SIX4: variants seen among roughly 807,000 people sequenced by gnomAD.
The protein encoded by SIX4 is SIX homeobox 4.
In SIX4, 23 loss-of-function variants were observed where a neutral mutation model predicts 51.5. That is an observed-to-expected ratio of 0.45 (90% confidence interval 0.32 to 0.63). The LOEUF is 0.63. Among genes scored for constraint, SIX4 ranks in the 30% least tolerant of loss-of-function variants. The pLI, the probability that SIX4 is intolerant of heterozygous loss-of-function variation, is 0.04. For missense variants in SIX4, 867 were observed against 984.0 expected (o/e 0.88, Z 1.59); for synonymous variants, 413 against 417.3 (o/e 0.99, Z 0.13).
rs992150000 is a variant in SIX4 at position 60,719,698 on chromosome 14, T to C, written c.1549+62A>G. 2 of 1,521,638 alleles carry C rather than the reference T, an allele frequency of 1.3e-6. No individual in the cohort carries two copies. The highest frequency in any genetic ancestry group is 1.8e-6 in the Non-Finnish European group (2 of 1,116,266). The allele number at this position is 1,521,638 out of a possible 1,614,324, so 94.3% of individuals were successfully genotyped here. A position where few individuals can be genotyped will look rare whatever the true frequency, so the allele number is the denominator to read the frequency against. On this transcript the variant is annotated intron_variant, in intron 2 of 2. Coordinates refer to ENST00000216513, the MANE Select transcript of SIX4 (RefSeq NM_017420.5). This position sits in a 1 kb window ranked among gnomAD's most constrained non-coding sequence, Gnocchi z 4.9. ...CAATCTATAGCTATCACCAAATGCGTCACTTACAGCAGCTGATGAACACAT... is the reference window on the plus strand; with the variant it reads ...CAATCTATAGCTATCACCAAATGCGCCACTTACAGCAGCTGATGAACACAT...
rs1336323089 is a variant in SIX4 at position 60,713,945 on chromosome 14, C to T, written c.1808G>A (p.Gly603Asp). ...NLSSENISGS[G>D]LHPLASSLVN... ...TAATGAGGAGGCCAGTGGATGCAGG[C>T]CACTCCCCGAGATGTTTTCAGAAGA... is the stretch of plus-strand genomic sequence containing the variant. The change falls in exon 3 of 3, where the codon GGC becomes GAC. Residue 603 changes from glycine to aspartate, a missense_variant. Transcript: ENST00000216513. The T allele has an allele frequency of 1.2e-6, 2 of 1,614,056 alleles. No individual in the cohort carries two copies. Among genetic ancestry groups the T allele is most frequent in the Admixed American group, 3.3e-5 (2 of 60,020 alleles).
rs1427926145 is a variant in SIX4 at position 60,719,746 on chromosome 14, A to G, written c.1549+14T>C. ...CATTTGCTGGTGCATTAAGGTACCA[A>G]ATGAGATTGTTACCTTGTGAAGCTG... On this transcript the variant is annotated intron_variant, in intron 2 of 2. Transcript: ENST00000216513. The surrounding 1 kb of genome is among the most constrained non-coding windows in gnomAD (Gnocchi z 4.9). 8.1e-6 allele frequency: 13 copies of G among 1,611,368 alleles called. No individual in the cohort carries two copies. Among genetic ancestry groups the G allele is most frequent in the Non-Finnish European group, 9.3e-6 (11 of 1,178,428 alleles).
At position 60,719,711 on chromosome 14, in the gene SIX4, C is replaced by A. The variant is rs763921345; in HGVS notation, c.1549+49G>T. On this transcript the variant is annotated intron_variant, in intron 2 of 2. Transcript: ENST00000216513. The surrounding 1 kb of genome is among the most constrained non-coding windows in gnomAD (Gnocchi z 4.9). ...TCACCAAATGCGTCACTTACAGCAG[C>A]TGATGAACACATTTGCTGGTGCATT... 6.4e-7 allele frequency: 1 copy of A among 1,558,372 alleles called. No individual in the cohort carries two copies. Among genetic ancestry groups the A allele is most frequent in the African/African-American group, 1.4e-5 (1 of 73,736 alleles).
At chr14:60,715,951 C>T (rs1326132877) in intron 2 of SIX4, among the ~76,000 whole-genome samples, 4 of 151,844 alleles carry the variant, frequency 2.6e-5, no homozygotes, top group Non-Finnish European at 5.9e-5. Flanking sequence ...CTGCTCACTG[C>T]AACCTCTACC....
chr14:60,720,193 T>C lies in SIX4; in HGVS notation c.1116A>G (p.Gly372=). 1 of 1,614,162 alleles carries C rather than the reference T, an allele frequency of 6.2e-7. No individual in the cohort carries two copies. Among genetic ancestry groups the C allele is most frequent in the Non-Finnish European group, 8.5e-7 (1 of 1,180,044 alleles). Residue 372 remains glycine, a synonymous_variant, in exon 2 of 3, where the codon GGA becomes GGG. Coordinates refer to ENST00000216513, the MANE Select transcript of SIX4 (RefSeq NM_017420.5). This position sits in a 1 kb window ranked among gnomAD's most constrained non-coding sequence, Gnocchi z 5.5. ...VFLNGNSFIQ[G]PSGVILNGLN... ...ATCCATTAAGGATAACTCCACTGGG[T>C]CCCTGAATAAAAGAATTTCCATTAA...
rs770632502 is a variant in SIX4 at position 60,723,910 on chromosome 14, C to G, written c.165G>C (p.Pro55=). The G allele has an allele frequency of 6.6e-7, 1 of 1,518,072 alleles. No homozygotes were observed. The highest frequency in any genetic ancestry group is 8.7e-7 in the Non-Finnish European group (1 of 1,147,632). 94.0% of individuals were successfully genotyped at this position (1,518,072 alleles called of 1,614,324 possible). Residue 55 remains proline (P), a synonymous_variant, in exon 1 of 3, where the codon CCG becomes CCC. Transcript: ENST00000216513. ...PPAPAPFPLE[P]GDAATAAARV... ...TGGCGGCAGCGGTCGCGGCGTCCCC[C>G]GGCTCCAGGGGAAAAGGGGCTGGAG...
chr14:60,713,413 G>A lies in SIX4; in HGVS notation c.2340C>T (p.Asp780=). The change falls in exon 3 of 3, where the codon GAC becomes GAT. Residue 780 remains aspartate, a synonymous_variant. Transcript: ENST00000216513. ...QTVQLDEDMQ[D]L ...GGTGAGGAGGAAATAAAGTTCATAA[G>A]TCTTGCATATCTTCATCCAGCTGGA... The A allele has an allele frequency of 2.5e-6, 4 of 1,593,728 alleles. No individual in the cohort carries two copies. Among genetic ancestry groups the A allele is most frequent in the Non-Finnish European group, 3.4e-6 (4 of 1,171,180 alleles).
Position 60,709,861 on chromosome 14 carries a change from A to C in SIX4, c.*3546T>G, listed in dbSNP as rs1396881791. 2.6e-5 allele frequency: 4 copies of C among 152,670 alleles called. No homozygotes were observed. The highest frequency in any genetic ancestry group is 5.9e-5 in the Non-Finnish European group (4 of 68,052). 9.5% of individuals were successfully genotyped at this position (152,670 alleles called of 1,614,324 possible). A position where few individuals can be genotyped will look rare whatever the true frequency, so the allele number is the denominator to read the frequency against. ...CCTCTAAACATACAGTACATGCAAC[A>C]AAATAATATTTTTGAGAACTCTGAA... On this transcript the variant is annotated 3_prime_UTR_variant, in exon 3 of 3. Coordinates refer to ENST00000216513, the MANE Select transcript of SIX4 (RefSeq NM_017420.5). This position sits in a 1 kb window ranked among gnomAD's most constrained non-coding sequence, Gnocchi z 4.1.
chr14:60,714,684 T>C (rs76199101), intron 2 of SIX4, among the ~76,000 whole-genome samples: 2 of 151,488 alleles, frequency 1.3e-5, no homozygotes, highest in African/African-American at 4.8e-5. Flanking sequence ...TTTTTTTTTT[T>C]CAGATGGAGT....
In SIX4 at chr14:60,711,937, C is replaced by A. The variant is rs1203590848; in HGVS notation, c.*1470G>T. The stretch of plus-strand genomic sequence containing the variant: ...CTACATAAATTTATTTGCATTGTTA[C>A]ATCTTGTGTTCAGAGTCTTGATAAA... On this transcript the variant is annotated 3_prime_UTR_variant, in exon 3 of 3. Transcript: ENST00000216513. 1.3e-5 allele frequency: 2 copies of A among 152,596 alleles called. No homozygotes were observed. Among genetic ancestry groups the A allele is most frequent in the African/African-American group, 4.8e-5 (2 of 41,448 alleles). The allele number at this position is 152,596 out of a possible 1,614,324, so 9.5% of individuals were successfully genotyped here.
chr14:60,718,210 ATACC>A (rs1404582521), intron 2 of SIX4, among the ~76,000 whole-genome samples: 1 of 152,164 alleles, frequency 6.6e-6, no homozygotes, highest in Non-Finnish European at 1.5e-5. Context: ...GAGAACTGCA[ATACC>A]TAACTACCAT....
At position 60,719,683 on chromosome 14, in the gene SIX4, C is replaced by A; in HGVS notation, c.1549+77G>T. 1 of 1,421,608 alleles carries A rather than the reference C, an allele frequency of 7.0e-7. No individual in the cohort carries two copies. Among genetic ancestry groups the A allele is most frequent in the Admixed American group, 1.9e-5 (1 of 53,402 alleles). 88.1% of individuals were successfully genotyped at this position (1,421,608 alleles called of 1,614,324 possible). ...CCTGAACAGAAACATCAATCTATAG[C>A]TATCACCAAATGCGTCACTTACAGC... On this transcript the variant is annotated intron_variant, in intron 2 of 2. Coordinates refer to ENST00000216513, the MANE Select transcript of SIX4 (RefSeq NM_017420.5). This position sits in a 1 kb window ranked among gnomAD's most constrained non-coding sequence, Gnocchi z 4.9.
rs1428280215 is a variant in SIX4 at position 60,710,062 on chromosome 14, AT to A, written c.*3344del. On this transcript the variant is annotated 3_prime_UTR_variant, in exon 3 of 3. Transcript: ENST00000216513. The stretch of plus-strand genomic sequence containing the variant: ...TATTTCCCCATAGTTTTCCTGAATT[AT>A]TTTTATTATGAGATGATCTGTCAAA... 2 of 152,638 alleles carry A rather than the reference AT, an allele frequency of 1.3e-5. No homozygotes were observed. Among genetic ancestry groups the A allele is most frequent in the Non-Finnish European group, 1.5e-5 (1 of 68,036 alleles). 9.5% of individuals were successfully genotyped at this position (152,638 alleles called of 1,614,324 possible).
rs1455081107 is a variant in SIX4 at position 60,710,758 on chromosome 14, C to G, written c.*2649G>C. ...TACATGGGCTGCATACCAACTGGCC[C>G]TTATTCAACTGAAAGAATAGAAAAG... is the stretch of plus-strand genomic sequence containing the variant. On this transcript the variant is annotated 3_prime_UTR_variant, in exon 3 of 3. Transcript: ENST00000216513. 1 of 152,516 alleles carries G rather than the reference C, an allele frequency of 6.6e-6. No homozygotes were observed. Among genetic ancestry groups the G allele is most frequent in the Non-Finnish European group, 1.5e-5 (1 of 68,010 alleles). 9.4% of individuals were successfully genotyped at this position (152,516 alleles called of 1,614,324 possible).
At position 60,723,520 on chromosome 14, in the gene SIX4, G is replaced by T; in HGVS notation, c.555C>A (p.Leu185=). The T allele has an allele frequency of 6.2e-7, 1 of 1,607,036 alleles. No individual in the cohort carries two copies. The change falls in exon 1 of 3, where the codon CTC becomes CTA. Residue 185 remains leucine (L), a synonymous_variant. Transcript: ENST00000216513. Reference sequence around the variant, plus strand: ...CCTCGGTGTAGCGCGCCTTGTACCAGAGCTGCTGCAGCAGCGGGTGGTTGG... The same window carrying T: ...CCTCGGTGTAGCGCGCCTTGTACCATAGCTGCTGCAGCAGCGGGTGGTTGG... ...ESANHPLLQQ[L]WYKARYTEAE...
chr14:60,721,098 TCCAAAGGAAG>T (rs888538778), intron 1 of SIX4: 2 of 985,440 alleles, frequency 2.0e-6, no homozygotes, highest in African/African-American at 1.7e-5. Context: ...CGCCTTTGAA[TCCAAAGGAAG>T]CCAAAGGGGC....
Position 60,719,791 on chromosome 14 carries a change from C to A in SIX4, c.1518G>T (p.Gln506His). 13 of 1,614,146 alleles carry A rather than the reference C, an allele frequency of 8.1e-6. No homozygotes were observed. Among genetic ancestry groups the A allele is most frequent in the Non-Finnish European group, 1.1e-5 (13 of 1,180,000 alleles). ...AAGCTGCCACTGACACAGGGGGCAG[C>A]TGCAGTGGAGAGAATCCAATGCTCC... The part of the protein sequence containing the change: ...LNGSIGFSPL[Q>H]LPPVSVAASQ... Residue 506 changes from glutamine to histidine, a missense_variant, in exon 2 of 3, where the codon CAG (glutamine) becomes CAT (histidine). Gln to His is a conservative substitution (Grantham distance 24, BLOSUM62 0). Transcript: ENST00000216513. The surrounding 1 kb of genome is among the most constrained non-coding windows in gnomAD (Gnocchi z 4.9).
At chr14:60,716,400 G>A (rs1010894625) in intron 2 of SIX4, among the ~76,000 whole-genome samples, 3 of 151,520 alleles carry the variant, frequency 2.0e-5, no homozygotes, top group South Asian at 2.1e-4. Context: ...TTACAGGCAC[G>A]CACCACCATG....
chr14:60,720,470 G>A lies in SIX4; in HGVS notation c.864-25C>T. 1 of 1,593,168 alleles carries A rather than the reference G, an allele frequency of 6.3e-7. No homozygotes were observed. Among genetic ancestry groups the A allele is most frequent in the Non-Finnish European group, 8.5e-7 (1 of 1,169,990 alleles). ...ACTGTATGGAGGGGGAAATCAAAAT[G>A]TTCAGAAGGTCAGGGGGATGACATT... On this transcript the variant is annotated intron_variant, in intron 1 of 2. Transcript: ENST00000216513. The surrounding 1 kb of genome is among the most constrained non-coding windows in gnomAD (Gnocchi z 5.5).
Sources: allele counts gnomAD v4.1 joint callset (sites outside exome capture counted in the v4.1 genomes callset), GRCh38; gene constraint gnomAD v4.1.1; non-coding constraint Gnocchi (gnomAD v3.1); transcripts MANE v1.5; gene names NCBI Gene and HGNC (gene_info 2026-07-23, HGNC 2026-07-21).